WDHD1: variants seen among roughly 807,000 people sequenced by gnomAD.
WDHD1 encodes the protein WD repeat and HMG-box DNA binding protein 1.
WDHD1 carries 111 observed loss-of-function variants against 135.4 expected under a neutral mutation model. The ratio of observed to expected loss-of-function variants is 0.82; its 90% CI spans 0.70 to 0.96. The LOEUF is 0.96. WDHD1 is among the 40% of genes least tolerant of loss of function. The pLI, the probability that WDHD1 is intolerant of heterozygous loss-of-function variation, is 0.00. For missense variants in WDHD1, 1,351 were observed against 1,336.3 expected, an observed-to-expected ratio of 1.01 and a Z score of -0.17; for synonymous variants, 434 against 439.0, an observed-to-expected ratio of 0.99 and a Z score of 0.14.
intron 23 of WDHD1, 79 bp downstream of exon 23, chr14:54,956,955 A>AT: frequency 6.6e-7 from 1 of 1,506,014 alleles, no homozygotes; most frequent in African/African-American, 1.4e-5. Flanking sequence ...CTCCTATCCT[A>AT]TATCTGAAAC....
intron 2 of WDHD1, among the ~76,000 whole-genome samples, chr14:55,023,128 G>A (rs1208031747): frequency 1.3e-5 from 2 of 152,038 alleles, no homozygotes; most frequent in Non-Finnish European, 2.9e-5. Flanking sequence ...TGACATTTTC[G>A]AAGCCAAATC....
chr14:54,955,516 A>T, intron 24 of WDHD1, 45 bp downstream of exon 24: 1 of 1,454,974 alleles, frequency 6.9e-7, no homozygotes. Flanking sequence ...GCTACTGTAT[A>T]CTTTTTACTT....
chr14:55,021,457 T>C (rs1267268545), intron 2 of WDHD1, among the ~76,000 whole-genome samples: 1 of 151,980 alleles, frequency 6.6e-6, no homozygotes, highest in Admixed American at 6.6e-5. Context: ...CAGCCTGGAA[T>C]GTGCAGCGGC....
At chr14:54,968,639 G>A (rs1383279272) in intron 16 of WDHD1, among the ~76,000 whole-genome samples, 2 of 152,006 alleles carry the variant, frequency 1.3e-5, no homozygotes, top group Non-Finnish European at 1.5e-5. Context: ...GAAAAGAAGA[G>A]GGAAGCTCCA....
intron 21 of WDHD1, among the ~76,000 whole-genome samples, chr14:54,958,019 C>T (rs952960846): frequency 6.6e-6 from 1 of 152,106 alleles, no homozygotes; most frequent in African/African-American, 2.4e-5. Flanking sequence ...TGACTTTTCC[C>T]TATTTATTGG....
intron 24 of WDHD1, among the ~76,000 whole-genome samples, chr14:54,945,967 A>G (rs752634802): frequency 6.6e-6 from 1 of 152,238 alleles, no homozygotes; most frequent in Non-Finnish European, 1.5e-5. Flanking sequence ...TAGTATGACC[A>G]TAACCATTTG....
At chr14:54,969,166 G>A (rs1566717736) in intron 16 of WDHD1, among the ~76,000 whole-genome samples, 1 of 152,056 alleles carries the variant, frequency 6.6e-6, no homozygotes, top group Non-Finnish European at 1.5e-5. Context: ...AGCCTCCCAA[G>A]TAGCTGAGAC....
At chr14:54,962,640 A>G (rs2041270367) in intron 20 of WDHD1, 89 bp from the exon 21 acceptor site, 1 of 1,536,818 alleles carries the variant, frequency 6.5e-7, no homozygotes, top group Middle Eastern at 1.7e-4. Flanking sequence ...GAGGTCTGAA[A>G]AAAAGTATGA....
At chr14:55,007,246 AAAAG>A (rs1555371813) in intron 7 of WDHD1, 30 bp downstream of exon 7, 29 of 1,478,872 alleles carry the variant, frequency 2.0e-5, no homozygotes, top group African/African-American at 2.9e-5. Flanking sequence ...AAAAAAAAAA[AAAAG>A]AAAAGAAAAG....
intron 16 of WDHD1, 90 bp downstream of exon 16, chr14:54,981,449 TA>T: frequency 7.8e-7 from 1 of 1,289,736 alleles, no homozygotes; most frequent in Non-Finnish European, 1.1e-6. Flanking sequence ...TGGACTAAGA[TA>T]AAAGACAAAT....
intron 2 of WDHD1, among the ~76,000 whole-genome samples, chr14:55,014,766 G>A (rs2042232728): frequency 6.6e-6 from 1 of 151,958 alleles, no homozygotes; most frequent in Admixed American, 6.6e-5. Flanking sequence ...AAAGAGCTGT[G>A]GATGTTCAAA....
rs7142626 is a variant in WDHD1, at chr14:55,022,920, G to A, written c.77+3791C>T. ...GCTCACTGCAACCTCCACCTCCCGG[G>A]TTCAAGTGATTCTCCTGCTTCAGCC... On this transcript the variant is annotated intron_variant, in intron 2 of 25. Coordinates refer to ENST00000360586, the MANE Select transcript of WDHD1 (RefSeq NM_007086.4). Among the ~76,000 whole-genome samples, 1,430 of 151,358 alleles carry A rather than the reference G, an allele frequency of 9.4e-3. 21 individuals carry two copies. Among genetic ancestry groups the A allele is most frequent in the African/African-American group, 0.033 (1,380 of 41,228 alleles).
intron 12 of WDHD1, among the ~76,000 whole-genome samples, chr14:54,989,928 T>C (rs1415888629): frequency 1.3e-5 from 2 of 152,174 alleles, no homozygotes; most frequent in Non-Finnish European, 2.9e-5. Context: ...CCTCCCAAAG[T>C]GCTGGGATTA....
At chr14:55,023,668 T>G (rs2140235543) in intron 2 of WDHD1, among the ~76,000 whole-genome samples, 1 of 152,324 alleles carries the variant, frequency 6.6e-6, no homozygotes, top group East Asian at 1.9e-4. Context: ...GATAGGCAAT[T>G]TACTGGAGAG....
chr14:54,972,849 A>G (rs2041463799), intron 16 of WDHD1, among the ~76,000 whole-genome samples: 1 of 152,186 alleles, frequency 6.6e-6, no homozygotes, highest in South Asian at 2.1e-4. Flanking sequence ...GATATTGGTC[A>G]GAGTGAAGCA....
rs949370785 is a variant in WDHD1, at chr14:54,981,623, A to G, written c.1980T>C (p.Pro660=). 1.9e-6 allele frequency: 3 copies of G among 1,612,828 alleles called. No homozygotes were observed. Among genetic ancestry groups the G allele is most frequent in the African/African-American group, 1.3e-5 (1 of 74,910 alleles). Residue 660 remains proline (P), a synonymous_variant, in exon 16 of 26, where the codon CCT becomes CCC. Coordinates refer to ENST00000360586, the MANE Select transcript of WDHD1 (RefSeq NM_007086.4). ...TGCAGTGCTCTCTTGTATTACATAT[A>G]GGAGTCCACGTATTACCAAGTCCTC... is the stretch of plus-strand genomic sequence containing the variant. The part of the protein sequence containing the change: ...LNRGLGNTWT[P]ICNTREHCKG...
rs1182534169 is a variant in WDHD1, at chr14:55,010,502, C to T, written c.190-42G>A. 2.1e-6 allele frequency: 3 copies of T among 1,458,410 alleles called. No homozygotes were observed. The South Asian group carries it at 4.5e-5, about 22-fold the overall frequency. 90.3% of individuals were successfully genotyped at this position (1,458,410 alleles called of 1,614,324 possible). Reference sequence around the variant, plus strand: ...GGTAAGAAACATTAGCAAAACAAATCCAAATGACTGGGAGTCTCTCCATAG... The same window carrying T: ...GGTAAGAAACATTAGCAAAACAAATTCAAATGACTGGGAGTCTCTCCATAG... On this transcript the variant is annotated intron_variant, in intron 3 of 25. Transcript: ENST00000360586.
At chr14:54,951,486 T>A (rs1310029391) in intron 24 of WDHD1, among the ~76,000 whole-genome samples, 1 of 152,166 alleles carries the variant, frequency 6.6e-6, no homozygotes, top group African/African-American at 2.4e-5. Flanking sequence ...TAACAGGCTC[T>A]GAAATTGAGG....
At chr14:55,010,196 A>C in intron 4 of WDHD1, 113 bp downstream of exon 4, 1 of 1,154,342 alleles carries the variant, frequency 8.7e-7, no homozygotes, top group African/African-American at 1.6e-5. Context: ...ATATATGAAG[A>C]AACAACAAAC....
Sources: gnomAD v4.1 joint callset for allele counts (sites outside exome capture counted in the v4.1 genomes callset) on GRCh38, gnomAD v4.1.1 for gene constraint, MANE v1.5 for transcripts, NCBI Gene and HGNC (gene_info 2026-07-23, HGNC 2026-07-21) for gene names.